The following SMIM7 variants were observed in gnomAD, a reference collection of about 807,000 sequenced individuals.
The protein encoded by SMIM7 is small integral membrane protein 7.
In SMIM7, 12 loss-of-function variants were observed where a neutral mutation model predicts 13.3. That is an observed-to-expected ratio of 0.90 (90% confidence interval 0.58 to 1.46). SMIM7 has a LOEUF of 1.46. Ranked by LOEUF, SMIM7 falls within the 40% of genes most tolerant of loss-of-function variation. The pLI is 0.00. For synonymous variants in SMIM7, 36 were observed against 35.8 expected (o/e 1.01, Z -0.02); for missense variants, 114 against 94.8 (o/e 1.20, Z -0.84).
At chr19:16,631,461 G>C (rs2086320939) in exon 5 of SMIM7, 1 of 151,898 alleles carries the variant, frequency 6.6e-6, no homozygotes, top group Non-Finnish European at 1.5e-5. Flanking sequence ...CTCTTGCCAT[G>C]GGAAAAGGCA....
intron 4 of SMIM7, 40 bp from the exon 5 acceptor site, chr19:16,647,301 A>T: frequency 6.2e-7 from 1 of 1,612,966 alleles, no homozygotes; most frequent in Non-Finnish European, 8.5e-7. Flanking sequence ...TGAGGATAGG[A>T]GGTGACTGTT....
chr19:16,647,014 T>C lies in SMIM7; in HGVS notation c.*232A>G, dbSNP rs1439284454. 4 of 607,730 alleles carry C rather than the reference T, an allele frequency of 6.6e-6. No homozygotes were observed. Among genetic ancestry groups the C allele is most frequent in the South Asian group, 4.0e-5 (2 of 49,652 alleles). The allele number at this position is 607,730 out of a possible 1,614,324, so 37.6% of individuals were successfully genotyped here. On this transcript the variant is annotated 3_prime_UTR_variant, in exon 5 of 5. Transcript: ENST00000487416. ...CCTTACATAAACGCTCCTGAAACCCTTTCAGTAGACAGCATTTCAATTCAG... is the reference window on the plus strand; with the variant it reads ...CCTTACATAAACGCTCCTGAAACCCCTTCAGTAGACAGCATTTCAATTCAG...
intron 3 of SMIM7, among the ~76,000 whole-genome samples, chr19:16,658,578 C>T (rs1428096846): frequency 1.3e-5 from 2 of 152,184 alleles, no homozygotes; most frequent in African/African-American, 2.4e-5. Flanking sequence ...TCTCCTGAAT[C>T]TTGAGTTGCA....
chr19:16,633,548 G>C (rs905296811), intron 4 of SMIM7, among the ~76,000 whole-genome samples: 1 of 151,514 alleles, frequency 6.6e-6, no homozygotes, highest in East Asian at 1.9e-4. Flanking sequence ...AAGTGTGTGC[G>C]TGTGTGTGTG....
chr19:16,637,710 C>T (rs770532285), intron 4 of SMIM7, among the ~76,000 whole-genome samples: 1 of 152,158 alleles, frequency 6.6e-6, no homozygotes, highest in Non-Finnish European at 1.5e-5. Flanking sequence ...CAGGGTGCCT[C>T]CTACACCACA....
intron 4 of SMIM7, among the ~76,000 whole-genome samples, chr19:16,647,719 G>A (rs978369871): frequency 1.3e-5 from 2 of 152,042 alleles, no homozygotes; most frequent in Non-Finnish European, 2.9e-5. Flanking sequence ...GCCTCCCAAA[G>A]TGCTGGGATT....
At chr19:16,641,810 G>C (rs2086406153), downstream of SMIM7, among the ~76,000 whole-genome samples, 1 of 152,150 alleles carries the variant, frequency 6.6e-6, no homozygotes, top group Admixed American at 6.6e-5. Flanking sequence ...CAGCGGTCAG[G>C]CTAATAAGGG....
intron 4 of SMIM7, chr19:16,638,743 A>G (rs970864783): frequency 6.6e-6 from 1 of 152,236 alleles, no homozygotes; most frequent in African/African-American, 2.4e-5. Context: ...TTTTAATAAA[A>G]GCAACAACAT....
At chr19:16,635,635 A>C (rs1189659132) in intron 4 of SMIM7, among the ~76,000 whole-genome samples, 1 of 151,950 alleles carries the variant, frequency 6.6e-6, no homozygotes, top group East Asian at 1.9e-4. Flanking sequence ...TAATCTCAGC[A>C]CTTTGAGAGG....
In SMIM7 at chr19:16,659,967, G is replaced by A; in HGVS notation, c.60C>T (p.Asn20=). 2 of 1,612,950 alleles carry A rather than the reference G, an allele frequency of 1.2e-6. No individual in the cohort carries two copies. The highest frequency in any genetic ancestry group is 1.7e-6 in the Non-Finnish European group (2 of 1,179,618). Residue 20 remains asparagine (N), a synonymous_variant, in exon 2 of 5, where the codon AAC becomes AAT. Coordinates refer to ENST00000487416, the MANE Select transcript of SMIM7 (RefSeq NM_024104.4). ...GGCCGCGACCTACTCACAGCTTAAA[G>A]TTCAGCACCGCCCCGGCATTCATCA... is the stretch of plus-strand genomic sequence containing the variant. The part of the protein sequence containing the change: ...TLLMNAGAVL[N]FKLKKKDTQG...
At chr19:16,655,921 T>G (rs1277757983) in intron 3 of SMIM7, among the ~76,000 whole-genome samples, 1 of 152,190 alleles carries the variant, frequency 6.6e-6, no homozygotes, top group African/African-American at 2.4e-5. Context: ...CCGACAGGAT[T>G]AGTCACGTGC....
chr19:16,637,963 C>G (rs936968929), intron 4 of SMIM7, among the ~76,000 whole-genome samples: 2 of 151,934 alleles, frequency 1.3e-5, no homozygotes, highest in Non-Finnish European at 2.9e-5. Flanking sequence ...GGGTGATAAG[C>G]TGACAAAAGG....
At chr19:16,645,296 T>C (rs1446706839), downstream of SMIM7, 2 of 152,174 alleles carry the variant, frequency 1.3e-5, no homozygotes, top group Non-Finnish European at 2.9e-5. Context: ...ATCCCCATAA[T>C]GGACAAATGC....
downstream of SMIM7, chr19:16,641,285 T>C (rs1023075884): frequency 1.3e-5 from 2 of 152,618 alleles, no homozygotes; most frequent in Non-Finnish European, 1.5e-5. Context: ...TGTGGCCAGA[T>C]TCTAATACAA....
chr19:16,659,406 T>C lies in SMIM7; in HGVS notation c.110A>G (p.Glu37Gly). The change falls in exon 3 of 5, where the codon GAG becomes GGG. Residue 37 changes from glutamate (E) to glycine (G), a missense_variant. Glu to Gly is a moderately conservative substitution (Grantham distance 98). Transcript: ENST00000487416. ...DTQGFGEESR[E>G]PSTGDNIREF... ...CAATTAGACCTTACCTGTGCTGGGCTCCCTGGACTCCTCCCCAAAGCCCTG... is the reference window on the plus strand; with the variant it reads ...CAATTAGACCTTACCTGTGCTGGGCCCCCTGGACTCCTCCCCAAAGCCCTG... 1 of 1,613,438 alleles carries C rather than the reference T, an allele frequency of 6.2e-7. No homozygotes were observed. The highest frequency in any genetic ancestry group is 8.5e-7 in the Non-Finnish European group (1 of 1,179,910).
At chr19:16,641,238 T>G (rs1267920992), downstream of SMIM7, 6 of 152,108 alleles carry the variant, frequency 3.9e-5, no homozygotes, top group East Asian at 1.2e-3. Flanking sequence ...GTATGGAGGT[T>G]GCTAAAGCAA....
intron 4 of SMIM7, among the ~76,000 whole-genome samples, chr19:16,651,143 G>A (rs1178494059): frequency 6.6e-6 from 1 of 152,178 alleles, no homozygotes; most frequent in East Asian, 1.9e-4. Flanking sequence ...CTCCCTGAGA[G>A]GGCCCTTTCT....
intron 3 of SMIM7, among the ~76,000 whole-genome samples, chr19:16,655,855 T>C (rs1035806098): frequency 6.6e-6 from 1 of 152,154 alleles, no homozygotes; most frequent in Non-Finnish European, 1.5e-5. Context: ...CATCCGAGCT[T>C]GTGCTGAACA....
rs2086653489 is a variant in SMIM7 at position 16,659,932 on chromosome 19, G to A, written c.68+27C>T. ...CGGGGCTACGGGTTCCCCGGATGGA[G>A]CCGCAGTCCGGCCGCGACCTACTCA... On this transcript the variant is annotated intron_variant, in intron 2 of 4. Transcript: ENST00000487416. 3 of 1,601,766 alleles carry A rather than the reference G, an allele frequency of 1.9e-6. No individual in the cohort carries two copies. The South Asian group carries it at 3.4e-5, about 18-fold the overall frequency.
Sources: gnomAD v4.1 joint callset for allele counts (sites outside exome capture counted in the v4.1 genomes callset) on GRCh38, gnomAD v4.1.1 for gene constraint, MANE v1.5 for transcripts, NCBI Gene and HGNC (gene_info 2026-07-23, HGNC 2026-07-21) for gene names.